The following PPP2R2D variants were observed in gnomAD, a reference collection of about 807,000 sequenced individuals.
The protein encoded by PPP2R2D is protein phosphatase 2 regulatory subunit Bdelta.
In PPP2R2D, 9 loss-of-function variants were observed where a neutral mutation model predicts 31.1. The ratio of observed to expected loss-of-function variants is 0.29; its 90% CI spans 0.17 to 0.51. The LOEUF is 0.51. Among genes scored for constraint, PPP2R2D ranks in the 20% least tolerant of loss-of-function variants. The pLI, the probability that PPP2R2D is intolerant of heterozygous loss-of-function variation, is 0.98. For missense variants in PPP2R2D, 391 were observed against 465.6 expected (o/e 0.84, Z 1.48); for synonymous variants, 179 against 172.6 (o/e 1.04, Z -0.29).
intron 2 of PPP2R2D, 31 bp from the exon 3 acceptor site, chr10:131,934,427 C>T (rs2036302325): frequency 1.1e-5 from 8 of 757,060 alleles, no homozygotes; most frequent in Admixed American, 1.9e-5. Context: ...AAAACCGCAT[C>T]CGGTAAATCG....
At chr10:131,948,729 G>A (rs2119941456) in intron 8 of PPP2R2D, among the ~76,000 whole-genome samples, 1 of 152,326 alleles carries the variant, frequency 6.6e-6, no homozygotes, top group Non-Finnish European at 1.5e-5. Flanking sequence ...ATGGTGCAAA[G>A]CTGAAGCCTT....
chr10:131,941,139 G>A (rs1170089364), intron 5 of PPP2R2D, among the ~76,000 whole-genome samples: 1 of 152,162 alleles, frequency 6.6e-6, no homozygotes, highest in Admixed American at 6.5e-5. Context: ...TTTGGGGTTG[G>A]TTTAGGCAGA....
At chr10:131,903,322 C>T (rs1269487414) in intron 2 of PPP2R2D, among the ~76,000 whole-genome samples, 2 of 151,978 alleles carry the variant, frequency 1.3e-5, no homozygotes, top group Non-Finnish European at 2.9e-5. Context: ...CAGAAGTTAG[C>T]CGGGCGTGGT....
In PPP2R2D at chr10:131,943,999, T is replaced by C; in HGVS notation, c.509T>C (p.Val170Ala). Residue 170 changes from valine (V) to alanine (A), a missense_variant, in exon 6 of 9, where the codon GTA (valine) becomes GCA (alanine). This residue lies in a region of PPP2R2D where 105 missense variants were observed against 98.5 expected (regional missense o/e 1.07). Coordinates refer to ENST00000455566, the MANE Select transcript of PPP2R2D (RefSeq NM_018461.5). ...ATATTGAAGCCCATGGATCTTATGGTAGAAGCGAGTCCACGGCGAATTTTT... is the reference window on the plus strand; with the variant it reads ...ATATTGAAGCCCATGGATCTTATGGCAGAAGCGAGTCCACGGCGAATTTTT... Reference protein sequence around the residue: ...VPILKPMDLMVEASPRRIFAN... With the variant: ...VPILKPMDLMAEASPRRIFAN... 8.9e-7 allele frequency: 1 copy of C among 1,127,544 alleles called. No homozygotes were observed. The highest frequency in any genetic ancestry group is 1.4e-6 in the Non-Finnish European group (1 of 735,978). The allele number at this position is 1,127,544 out of a possible 1,614,324, so 69.8% of individuals were successfully genotyped here.
chr10:131,968,706 G>A, the PPP2R2D span: 4 of 632,464 alleles, frequency 6.3e-6, no homozygotes, highest in African/African-American at 3.7e-5. Flanking sequence ...TAAAAATTTT[G>A]TAATGAATCT....
chr10:131,904,997 T>A (rs988854566), intron 2 of PPP2R2D, among the ~76,000 whole-genome samples: 10,530 of 151,342 alleles, frequency 0.07, 496 homozygotes, highest in Middle Eastern at 0.1. Context: ...CTTTTTTTTT[T>A]AAAAGAATTG....
chr10:131,967,286 A>G, the PPP2R2D span: 1 of 152,246 alleles, frequency 6.6e-6, no homozygotes, highest in African/African-American at 2.4e-5. Context: ...TGAGCTCTGT[A>G]AGGTGCTGAA....
At chr10:131,971,157 C>G in the PPP2R2D span, 6 of 602,108 alleles carry the variant, frequency 1.0e-5, no homozygotes, top group Non-Finnish European at 1.8e-5. Context: ...CGCCGCACTC[C>G]CGGCTCACAG....
chr10:131,906,553 C>T (rs2035587080), intron 2 of PPP2R2D, among the ~76,000 whole-genome samples: 2 of 152,006 alleles, frequency 1.3e-5, no homozygotes, highest in African/African-American at 4.8e-5. Context: ...TTGAAAGAAA[C>T]ATTTTAAGTC....
downstream of PPP2R2D, among the ~76,000 whole-genome samples, chr10:131,962,504 A>G (rs1359350503): frequency 6.6e-6 from 1 of 151,550 alleles, no homozygotes; most frequent in East Asian, 1.9e-4. Flanking sequence ...CGATTCTGCA[A>G]CTCCCATTGT....
intron 2 of PPP2R2D, among the ~76,000 whole-genome samples, chr10:131,931,365 T>C (rs2036222859): frequency 6.6e-6 from 1 of 152,210 alleles, no homozygotes; most frequent in African/African-American, 2.4e-5. Context: ...TATTTTTTAC[T>C]GAGATGGAAT....
rs1229531944 is a variant in PPP2R2D at position 131,901,020 on chromosome 10, C to CCGGCGGCGGCGGCGG, written c.-117_-103dup. 562 of 154,106 alleles carry CCGGCGGCGGCGGCGG rather than the reference C, an allele frequency of 3.6e-3. 7 individuals are homozygous for CCGGCGGCGGCGGCGG. In the East Asian group the frequency reaches 0.038, roughly 10 times the overall value. The allele number at this position is 154,106 out of a possible 1,614,324, so 9.5% of individuals were successfully genotyped here. ...TTTGAAAAGGGAAAAAAATCCCTCC[C>CCGGCGGCGGCGGCGG]CGGCGGCGGCGGCGGCGGCGGCGGC... On this transcript the variant is annotated 5_prime_UTR_variant, in exon 1 of 9. Transcript: ENST00000455566.
At chr10:131,931,981 C>G (rs2036238348) in intron 2 of PPP2R2D, among the ~76,000 whole-genome samples, 1 of 152,026 alleles carries the variant, frequency 6.6e-6, no homozygotes, top group African/African-American at 2.4e-5. Context: ...CTGTGCCAGC[C>G]CCTTGCTGCC....
chr10:131,908,625 G>A (rs1458325143), intron 2 of PPP2R2D, among the ~76,000 whole-genome samples: 1 of 152,212 alleles, frequency 6.6e-6, no homozygotes, highest in Non-Finnish European at 1.5e-5. Flanking sequence ...TTCAGGCTTT[G>A]TGTTAACTTG....
At chr10:131,941,363 G>A (rs2036437782) in intron 5 of PPP2R2D, among the ~76,000 whole-genome samples, 1 of 152,198 alleles carries the variant, frequency 6.6e-6, no homozygotes, top group Admixed American at 6.5e-5. Flanking sequence ...CACTGATGTT[G>A]TCTTAAATTA....
At chr10:131,924,782 C>T (rs1440424717) in intron 2 of PPP2R2D, among the ~76,000 whole-genome samples, 1 of 149,624 alleles carries the variant, frequency 6.7e-6, no homozygotes, top group Non-Finnish European at 1.5e-5. Context: ...TTAAGTTTTC[C>T]AATCGTGACA....
chr10:131,941,405 TGGGCTC>T (rs1378420082), intron 5 of PPP2R2D, among the ~76,000 whole-genome samples: 6 of 152,294 alleles, frequency 3.9e-5, no homozygotes, highest in African/African-American at 1.4e-4. Flanking sequence ...TCCGGCAAAC[TGGGCTC>T]GAGCCCAGGT....
intron 2 of PPP2R2D, among the ~76,000 whole-genome samples, chr10:131,931,050 G>T (rs1265550432): frequency 6.6e-6 from 1 of 152,176 alleles, no homozygotes; most frequent in Non-Finnish European, 1.5e-5. Context: ...ACCAGCCCAG[G>T]TGTCCTGCCC....
chr10:131,948,964 C>G (rs2036592964), intron 8 of PPP2R2D, among the ~76,000 whole-genome samples: 1 of 152,100 alleles, frequency 6.6e-6, no homozygotes. Flanking sequence ...AACCTCCCCT[C>G]ACAAGGGTTT....
Sources: allele counts gnomAD v4.1 joint callset (sites outside exome capture counted in the v4.1 genomes callset), GRCh38; gene constraint gnomAD v4.1.1; regional missense constraint gnomAD v4.1.1; transcripts MANE v1.5; gene names NCBI Gene and HGNC (gene_info 2026-07-23, HGNC 2026-07-21).